Variants in ZFHX3 observed in about 807,000 individuals in gnomAD.
The protein encoded by ZFHX3 is zinc finger homeobox 3.
Under a neutral mutation model 279.1 loss-of-function variants are expected in ZFHX3, and 42 were observed. That is an observed-to-expected ratio of 0.15 (90% CI 0.12 to 0.19). The LOEUF (loss-of-function observed/expected upper bound fraction) is 0.19. Ranked by LOEUF, ZFHX3 falls within the 10% of genes least tolerant of loss-of-function variation. The pLI is 1.00. For synonymous variants in ZFHX3, 2,293 were observed against 1,957.8 expected (o/e 1.17, Z -4.52); for missense variants, 4,981 against 4,754.0 (o/e 1.05, Z -1.40).
rs150010894 is a variant in ZFHX3 at position 72,804,873 on chromosome 16, A to T, written c.3865-4744T>A. ...TTGCTAAGTTCTTATGGGACCGTTC[A>T]TGCCAATTCATCTCTTGAAGCTACC... On this transcript the variant is annotated intron_variant, in intron 7 of 9. Coordinates refer to ENST00000268489, the MANE Select transcript of ZFHX3 (RefSeq NM_006885.4). Among the ~76,000 whole-genome samples, 36 of 152,326 alleles carry T rather than the reference A, an allele frequency of 2.4e-4. 1 individual carries two copies. The East Asian group carries it at 6.9e-3, about 29-fold the overall frequency.
At chr16:73,567,710 C>A (rs533987453) in intron 2 of ZFHX3, among the ~76,000 whole-genome samples, 204 of 152,296 alleles carry the variant, frequency 1.3e-3, no homozygotes, top group African/African-American at 4.7e-3. Flanking sequence ...TCTGGATTTG[C>A]CTGCGTCCCT....
intron 3 of ZFHX3, among the ~76,000 whole-genome samples, chr16:73,373,150 G>T (rs1161862267): frequency 2.0e-5 from 3 of 151,868 alleles, no homozygotes; most frequent in Non-Finnish European, 4.4e-5. Context: ...TTTGGGGGGG[G>T]GGTGGTTCCA....
At chr16:73,852,965 A>AAAACAAAC (rs60093693) in intron 1 of ZFHX3, among the ~76,000 whole-genome samples, 21 of 151,220 alleles carry the variant, frequency 1.4e-4, no homozygotes, top group African/African-American at 3.9e-4. Context: ...CTCAACAAGT[A>AAAACAAAC]AAACAAACAA....
At chr16:73,323,982 G>T (rs1208710714) in intron 3 of ZFHX3, among the ~76,000 whole-genome samples, 2 of 152,212 alleles carry the variant, frequency 1.3e-5, no homozygotes, top group Non-Finnish European at 2.9e-5. Flanking sequence ...ACTGCTTACT[G>T]TGATAACACC....
intron 1 of ZFHX3, among the ~76,000 whole-genome samples, chr16:73,699,916 T>A (rs961376499): frequency 3.9e-5 from 6 of 152,118 alleles, no homozygotes; most frequent in African/African-American, 1.4e-4. Context: ...TTACATGGCA[T>A]ATACTGAACA....
At chr16:73,837,483 G>T (rs751601042) in intron 1 of ZFHX3, among the ~76,000 whole-genome samples, 50 of 152,216 alleles carry the variant, frequency 3.3e-4, no homozygotes, top group Non-Finnish European at 5.9e-4. Flanking sequence ...TATGTTAAAG[G>T]TGCTTGCCTT....
intron 2 of ZFHX3, among the ~76,000 whole-genome samples, chr16:73,601,213 G>T (rs1434022809): frequency 6.6e-6 from 1 of 151,348 alleles, no homozygotes; most frequent in African/African-American, 2.4e-5. Context: ...AGCACTTTGG[G>T]AGGCTGAAGC....
At chr16:72,878,184 A>C (rs543596960) in intron 4 of ZFHX3, among the ~76,000 whole-genome samples, 1 of 152,312 alleles carries the variant, frequency 6.6e-6, no homozygotes, top group East Asian at 1.9e-4. Flanking sequence ...TCTACAAAAA[A>C]AGAAAACAAA....
intron 2 of ZFHX3, among the ~76,000 whole-genome samples, chr16:73,572,400 G>A (rs893494479): frequency 6.6e-6 from 1 of 152,162 alleles, no homozygotes; most frequent in Non-Finnish European, 1.5e-5. Flanking sequence ...GACAAAGTAA[G>A]AACAGCTTTC....
intron 2 of ZFHX3, among the ~76,000 whole-genome samples, chr16:73,618,733 G>A (rs1018059116): frequency 5.9e-5 from 9 of 152,190 alleles, no homozygotes; most frequent in African/African-American, 2.2e-4. Context: ...ATTCTTTGAA[G>A]GTGAAGCAGT....
intron 1 of ZFHX3, among the ~76,000 whole-genome samples, chr16:73,775,317 T>G (rs533153963): frequency 1.3e-5 from 2 of 152,184 alleles, no homozygotes; most frequent in Admixed American, 1.3e-4. Flanking sequence ...AGTGAGGCCA[T>G]CCTATTGTAG....
chr16:73,864,003 T>C (rs1378750479), intron 1 of ZFHX3, among the ~76,000 whole-genome samples: 2 of 152,226 alleles, frequency 1.3e-5, no homozygotes, highest in Admixed American at 1.3e-4. Flanking sequence ...TAATTCCAGC[T>C]TCAAGTCACA....
chr16:73,022,066 T>C (rs1964318831), intron 1 of ZFHX3, among the ~76,000 whole-genome samples: 2 of 152,074 alleles, frequency 1.3e-5, no homozygotes, highest in Admixed American at 1.3e-4. Flanking sequence ...TCCCGCCTCC[T>C]CTCCACAGCA....
chr16:73,641,100 C>T (rs1567540190), intron 2 of ZFHX3, among the ~76,000 whole-genome samples: 1 of 152,104 alleles, frequency 6.6e-6, no homozygotes, highest in Non-Finnish European at 1.5e-5. Flanking sequence ...ACAGTATCGA[C>T]CTAGTTTGGG....
intron 3 of ZFHX3, among the ~76,000 whole-genome samples, chr16:72,893,227 T>C (rs909340387): frequency 6.6e-6 from 1 of 152,192 alleles, no homozygotes; most frequent in Admixed American, 6.5e-5. Flanking sequence ...TCAAGAGATT[T>C]TGGAGGTAGA....
At chr16:73,192,253 T>A (rs1035675510) in intron 5 of ZFHX3, among the ~76,000 whole-genome samples, 9 of 152,136 alleles carry the variant, frequency 5.9e-5, no homozygotes, top group African/African-American at 2.2e-4. Flanking sequence ...CCCCTCTGCG[T>A]CTGTTCAGGA....
At chr16:73,544,511 G>A (rs1321517352) in intron 2 of ZFHX3, among the ~76,000 whole-genome samples, 1 of 152,140 alleles carries the variant, frequency 6.6e-6, no homozygotes, top group East Asian at 1.9e-4. Flanking sequence ...TCCCTCCACG[G>A]GTTTGGCCGC....
intron 3 of ZFHX3, among the ~76,000 whole-genome samples, chr16:73,409,749 G>A (rs1182674797): frequency 6.6e-6 from 1 of 152,156 alleles, no homozygotes; most frequent in African/African-American, 2.4e-5. Context: ...AGAAAATGTT[G>A]TACATAACAC....
At chr16:73,213,624 G>A (rs1295672877) in intron 5 of ZFHX3, among the ~76,000 whole-genome samples, 1 of 152,158 alleles carries the variant, frequency 6.6e-6, no homozygotes, top group Non-Finnish European at 1.5e-5. Flanking sequence ...CATTCAGGGG[G>A]TAAGTGCATG....
Sources: gnomAD v4.1 joint callset for allele counts (sites outside exome capture counted in the v4.1 genomes callset) on GRCh38, gnomAD v4.1.1 for gene constraint, MANE v1.5 for transcripts, NCBI Gene and HGNC (gene_info 2026-07-23, HGNC 2026-07-21) for gene names.